DAPK1: variants seen among roughly 807,000 people sequenced by gnomAD.
DAPK1 encodes the protein death associated protein kinase 1.
DAPK1 carries 56 observed loss-of-function variants against 144.9 expected under a neutral mutation model. The observed-to-expected ratio is 0.39, with a 90% CI of 0.31 to 0.48. The LOEUF (loss-of-function observed/expected upper bound fraction) is 0.48, where lower values mean the gene tolerates loss of function less well. DAPK1 is among the 20% of genes least tolerant of loss of function. The pLI, the probability that DAPK1 is intolerant of heterozygous loss-of-function variation, is 0.95. For synonymous variants in DAPK1, 690 were observed against 749.0 expected (o/e 0.92, Z 1.29); for missense variants, 1,454 against 1,875.4 (o/e 0.78, Z 4.15).
intron 24 of DAPK1, chr9:87,702,059 C>G (rs1176024594): frequency 7.0e-6 from 2 of 283,948 alleles, no homozygotes; most frequent in Admixed American, 8.4e-5. Flanking sequence ...GATTTTTGAG[C>G]TGGGCTCTGG....
intron 19 of DAPK1, among the ~76,000 whole-genome samples, chr9:87,680,658 C>T (rs1824579759): frequency 1.3e-5 from 2 of 151,174 alleles, no homozygotes; most frequent in South Asian, 4.2e-4. Flanking sequence ...CACACGCGCA[C>T]ACACACACAC....
chr9:87,625,414 A>C (rs4878111), intron 3 of DAPK1, among the ~76,000 whole-genome samples: 75,119 of 152,094 alleles, frequency 0.49, 19,672 homozygotes, highest in East Asian at 0.77. Flanking sequence ...TATAAATGCT[A>C]CCACATGGCC....
At chr9:87,571,462 CA>C (rs1827333952) in intron 2 of DAPK1, among the ~76,000 whole-genome samples, 12 of 65,470 alleles carry the variant, frequency 1.8e-4, no homozygotes, top group South Asian at 5.5e-4. Context: ...CACACACACA[CA>C]CACACACACA....
chr9:87,607,810 G>T (rs914629357), intron 3 of DAPK1, among the ~76,000 whole-genome samples: 5 of 152,098 alleles, frequency 3.3e-5, no homozygotes, highest in Non-Finnish European at 7.4e-5. Context: ...CAAGCCCTGA[G>T]CTGGTCTTCA....
chr9:87,514,287 G>A (rs753747963), intron 2 of DAPK1, among the ~76,000 whole-genome samples: 7 of 152,196 alleles, frequency 4.6e-5, no homozygotes, highest in African/African-American at 1.4e-4. Context: ...TGGTCTGAGC[G>A]TGAGGTCTAG....
Position 87,707,545 on chromosome 9 carries a change from G to A in DAPK1, c.*181G>A, listed in dbSNP as rs916839926. 15 of 595,612 alleles carry A rather than the reference G, an allele frequency of 2.5e-5. No homozygotes were observed. The highest frequency in any genetic ancestry group is 1.7e-4 in the East Asian group (6 of 36,022). The allele number at this position is 595,612 out of a possible 1,614,324, so 36.9% of individuals were successfully genotyped here. ...GCTACCTCCCTCCCCGTCTCATTCC[G>A]TTGTCTGTGGATGGTCATTGCAGTT... On this transcript the variant is annotated 3_prime_UTR_variant, in exon 26 of 26. Coordinates refer to ENST00000408954, the MANE Select transcript of DAPK1 (RefSeq NM_004938.4). The surrounding 1 kb of genome is among the most constrained non-coding windows in gnomAD (Gnocchi z 4.0).
At chr9:87,506,609 A>G (rs1824605578) in intron 2 of DAPK1, among the ~76,000 whole-genome samples, 1 of 152,182 alleles carries the variant, frequency 6.6e-6, no homozygotes, top group Non-Finnish European at 1.5e-5. Flanking sequence ...TTACGCAACA[A>G]CTAGTCTGGC....
chr9:87,694,783 A>G (rs1380003751), intron 21 of DAPK1, among the ~76,000 whole-genome samples: 1 of 152,142 alleles, frequency 6.6e-6, no homozygotes, highest in Non-Finnish European at 1.5e-5. Flanking sequence ...GGATATAGAG[A>G]TGCCGAGGCC....
rs71507734 is a variant in DAPK1 at position 87,662,560 on chromosome 9, G to GTTTTTTTTTTTTTTTTTTTTTTTTTTT, written c.1923+4458_1923+4459insTTTTTTTTTTTTTTTTTTTTTTTTTTT. On this transcript the variant is annotated intron_variant, in intron 18 of 25. Transcript: ENST00000408954. ...ACCTCCTTGGTTAAATATATTCCTA[G>GTTTTTTTTTTTTTTTTTTTTTTTTTTT]TTTTTTTTTTTTTTTTTTTTTTTTT... Among the ~76,000 whole-genome samples, 5 of 32,136 alleles carry GTTTTTTTTTTTTTTTTTTTTTTTTTTT rather than the reference G, an allele frequency of 1.6e-4. 2 individuals carry two copies. The highest frequency in any genetic ancestry group is 9.2e-4 in the East Asian group (1 of 1,084). The allele number at this position is 32,136 out of a possible 152,430, so 21.1% of individuals were successfully genotyped here.
intron 2 of DAPK1, among the ~76,000 whole-genome samples, chr9:87,515,419 G>A (rs1026135852): frequency 6.6e-6 from 1 of 152,236 alleles, no homozygotes; most frequent in African/African-American, 2.4e-5. Flanking sequence ...ATGCTGAAAT[G>A]AGTAAGTGGC....
intron 2 of DAPK1, among the ~76,000 whole-genome samples, chr9:87,589,145 G>A (rs1193523164): frequency 6.7e-6 from 1 of 148,818 alleles, no homozygotes; most frequent in Non-Finnish European, 1.5e-5. Flanking sequence ...CTGACCTCAG[G>A]TGATCCTCCC....
chr9:87,606,784 C>G (rs1451728070), intron 3 of DAPK1, among the ~76,000 whole-genome samples: 4 of 122,354 alleles, frequency 3.3e-5, no homozygotes, highest in African/African-American at 1.2e-4. Context: ...CTCCCTCCCT[C>G]CTTTTTCTCC....
chr9:87,571,744 A>G (rs907235988), intron 2 of DAPK1, among the ~76,000 whole-genome samples: 3 of 152,146 alleles, frequency 2.0e-5, no homozygotes, highest in South Asian at 2.1e-4. Context: ...GTGCGTGCCA[A>G]TGAGAGAGCT....
chr9:87,624,672 G>A (rs758414685), intron 3 of DAPK1, among the ~76,000 whole-genome samples: 1 of 152,178 alleles, frequency 6.6e-6, no homozygotes, highest in Non-Finnish European at 1.5e-5. Context: ...CAGATCCTGT[G>A]ACACTCCTGA....
chr9:87,650,426 G>T, intron 16 of DAPK1: 1 of 314,084 alleles, frequency 3.2e-6, no homozygotes, highest in East Asian at 8.4e-5. Flanking sequence ...AATTCTCATT[G>T]AGGACTGACA....
chr9:87,689,202 CA>C (rs34913689), intron 21 of DAPK1, among the ~76,000 whole-genome samples: 8,734 of 152,096 alleles, frequency 0.057, 863 homozygotes, highest in African/African-American at 0.2. Context: ...GTCCTTTCTC[CA>C]TTACTTATTT....
intron 2 of DAPK1, chr9:87,506,912 C>T (rs563122542): frequency 6.6e-6 from 1 of 152,336 alleles, no homozygotes; most frequent in East Asian, 1.9e-4. Context: ...CTTTCTCTAA[C>T]TATTAAATCT....
chr9:87,580,959 T>C (rs575669740), intron 2 of DAPK1, among the ~76,000 whole-genome samples: 10 of 152,322 alleles, frequency 6.6e-5, no homozygotes, highest in Admixed American at 5.2e-4. Context: ...TACCGTGAAA[T>C]GTAAATTACA....
intron 2 of DAPK1, among the ~76,000 whole-genome samples, chr9:87,559,052 A>G (rs1040409246): frequency 1.3e-5 from 2 of 152,116 alleles, no homozygotes; most frequent in Non-Finnish European, 2.9e-5. Context: ...TGCACCAGCT[A>G]TCTCCTCCTT....
Sources: allele counts gnomAD v4.1 joint callset (sites outside exome capture counted in the v4.1 genomes callset), GRCh38; gene constraint gnomAD v4.1.1; non-coding constraint Gnocchi (gnomAD v3.1); transcripts MANE v1.5; gene names NCBI Gene and HGNC (gene_info 2026-07-23, HGNC 2026-07-21).